Variants in PEAK1 observed in about 807,000 individuals in gnomAD.
PEAK1 encodes inactive tyrosine-protein kinase PEAK1.
In PEAK1, 54 loss-of-function variants were observed where a neutral mutation model predicts 124.7. The ratio of observed to expected loss-of-function variants is 0.43; its 90% CI spans 0.35 to 0.54. The LOEUF is 0.54. Among genes scored for constraint, PEAK1 ranks in the 20% least tolerant of loss-of-function variants. The pLI is 0.01. For missense variants in PEAK1, 2,046 were observed against 2,134.5 expected (o/e 0.96, Z 0.82); for synonymous variants, 719 against 760.0 (o/e 0.95, Z 0.89).
At chr15:77,236,958 T>C (rs2060152379) in intron 6 of PEAK1, among the ~76,000 whole-genome samples, 1 of 152,184 alleles carries the variant, frequency 6.6e-6, no homozygotes, top group African/African-American at 2.4e-5. Flanking sequence ...TCTGCCATAA[T>C]TGTTAAGTTT....
intron 7 of PEAK1, among the ~76,000 whole-genome samples, chr15:77,162,631 A>G (rs907652978): frequency 1.3e-5 from 2 of 152,072 alleles, no homozygotes; most frequent in Admixed American, 1.3e-4. Flanking sequence ...TACCACCAAC[A>G]TTTCATTAGG....
intron 2 of PEAK1, chr15:77,350,905 AC>A: frequency 2.0e-6 from 2 of 985,392 alleles, no homozygotes; most frequent in Non-Finnish European, 2.4e-6. Flanking sequence ...TTTACTACAA[AC>A]ATGGCCCTCT....
Position 77,133,739 on chromosome 15 carries a change from C to A in PEAK1, c.3343G>T (p.Ala1115Ser). The A allele has an allele frequency of 6.3e-7, 1 of 1,595,474 alleles. No homozygotes were observed. Among genetic ancestry groups the A allele is most frequent in the South Asian group, 1.1e-5 (1 of 87,992 alleles). ...GGCTGCTTGGGAGGTATCATGGCTG[C>A]TCTAGATTGCCCTGTATTGTTTTTA... ...ATYSNLGQSR[A>S]AMIPPKQPRQ... The change falls in exon 9 of 10, where the codon GCA becomes TCA. Residue 1115 changes from alanine (A) to serine (S), a missense_variant. By Grantham distance (99) the Ala-to-Ser change is moderately conservative. Transcript: ENST00000682557. The surrounding 1 kb of genome is among the most constrained non-coding windows in gnomAD (Gnocchi z 4.2).
chr15:77,205,274 T>TA (rs2058581482), intron 6 of PEAK1, among the ~76,000 whole-genome samples: 18 of 148,206 alleles, frequency 1.2e-4, no homozygotes, highest in East Asian at 3.9e-4. Flanking sequence ...ATGCCTTTTT[T>TA]TAAAAAAAAA....
In PEAK1 at chr15:77,313,692, G is replaced by GTGTGTGTATA. The variant is rs34603921; in HGVS notation, c.-602-27189_-602-27188insTATACACACA. ...TGTGTGTGTGTGTGTGTGTGTGTGT[G>GTGTGTGTATA]TATATATATATATGTATGTGTGTGT... On this transcript the variant is annotated intron_variant, in intron 2 of 9. Transcript: ENST00000682557. Among the ~76,000 whole-genome samples, 590 of 98,738 alleles carry GTGTGTGTATA rather than the reference G, an allele frequency of 6.0e-3. 10 individuals are homozygous for GTGTGTGTATA. Among genetic ancestry groups the GTGTGTGTATA allele is most frequent in the African/African-American group, 0.023 (544 of 24,094 alleles). The allele number at this position is 98,738 out of a possible 152,430, so 64.8% of individuals were successfully genotyped here. A position where few individuals can be genotyped will look rare whatever the true frequency, so the allele number is the denominator to read the frequency against.
Position 77,113,658 on chromosome 15 carries a change from T to C in PEAK1, c.*498A>G, listed in dbSNP as rs1376140740. 1 of 160,320 alleles carries C rather than the reference T, an allele frequency of 6.2e-6. No homozygotes were observed. The highest frequency in any genetic ancestry group is 1.4e-5 in the Non-Finnish European group (1 of 72,642). 9.9% of individuals were successfully genotyped at this position (160,320 alleles called of 1,614,324 possible). ...ACTGGGCTGATGCTAAGGATGGCAG[T>C]CCTGCCTAGTAAGTCAGTTGTTGAC... On this transcript the variant is annotated 3_prime_UTR_variant, in exon 10 of 10. Coordinates refer to ENST00000682557, the MANE Select transcript of PEAK1 (RefSeq NM_001385026.1).
chr15:77,392,269 T>C (rs1379574574), intron 1 of PEAK1, among the ~76,000 whole-genome samples: 2 of 152,230 alleles, frequency 1.3e-5, no homozygotes, highest in African/African-American at 4.8e-5. Flanking sequence ...TCATCACAGT[T>C]GTTCACTCTG....
At chr15:77,348,036 G>C in intron 2 of PEAK1, 1 of 985,178 alleles carries the variant, frequency 1.0e-6, no homozygotes, top group Non-Finnish European at 1.2e-6. Flanking sequence ...CTATGCACAT[G>C]GCTATCAAAT....
chr15:77,155,757 C>G (rs1024158207), intron 8 of PEAK1: 3 of 152,534 alleles, frequency 2.0e-5, no homozygotes, highest in African/African-American at 4.8e-5. Context: ...CACTCTAGAC[C>G]CTTTTTGCCT....
At chr15:77,248,510 C>T (rs1164816606) in intron 6 of PEAK1, among the ~76,000 whole-genome samples, 1 of 152,156 alleles carries the variant, frequency 6.6e-6, no homozygotes, top group Non-Finnish European at 1.5e-5. Flanking sequence ...ACAGAGACCT[C>T]ATGCATGGGA....
intron 5 of PEAK1, among the ~76,000 whole-genome samples, chr15:77,276,719 A>C (rs905647646): frequency 1.3e-5 from 2 of 152,148 alleles, no homozygotes; most frequent in African/African-American, 4.8e-5. Context: ...GAGTTCTCCA[A>C]ATTATGTTTG....
Position 77,180,517 on chromosome 15 carries a change from T to G in PEAK1, c.1410A>C (p.Pro470=). ...KPYRVVNLEQ[P]LCKPYTVVDV... is the part of the protein sequence containing the mutation. ...CCACGACAGTATATGGCTTGCACAA[T>G]GGCTGTTCCAGGTTCACAACTCGGT... The change falls in exon 7 of 10, where the codon CCA becomes CCC. Residue 470 remains proline, a synonymous_variant. Transcript: ENST00000682557. The G allele has an allele frequency of 1.2e-6, 2 of 1,614,110 alleles. No individual in the cohort carries two copies. Among genetic ancestry groups the G allele is most frequent in the Non-Finnish European group, 1.7e-6 (2 of 1,179,994 alleles).
chr15:77,335,655 G>T, intron 2 of PEAK1: 3 of 668,474 alleles, frequency 4.5e-6, no homozygotes, highest in Non-Finnish European at 5.5e-6. Context: ...ATTTTTTGCT[G>T]CTGTTGTAAA....
chr15:77,321,943 T>C lies in PEAK1; in HGVS notation c.-602-35439A>G, dbSNP rs1467794368. ...TAACAAACTGTCTCTCAGGCCACAG[T>C]GCAATCAAACTAGAACTCAGGATTA... On this transcript the variant is annotated intron_variant, in intron 2 of 9. Coordinates refer to ENST00000682557, the MANE Select transcript of PEAK1 (RefSeq NM_001385026.1). Among the ~76,000 whole-genome samples, 3 of 152,158 alleles carry C rather than the reference T, an allele frequency of 2.0e-5. No homozygotes were observed. The South Asian group carries it at 6.2e-4, about 32-fold the overall frequency.
intron 9 of PEAK1, among the ~76,000 whole-genome samples, chr15:77,131,396 G>C (rs1207021867): frequency 1.3e-5 from 2 of 152,228 alleles, no homozygotes; most frequent in Non-Finnish European, 2.9e-5. Context: ...GGGAGGCTGA[G>C]GCAGGAGAAT....
At chr15:77,347,402 T>G in intron 2 of PEAK1, 6 of 985,146 alleles carry the variant, frequency 6.1e-6, no homozygotes, top group Non-Finnish European at 7.2e-6. Context: ...GGCATCAGAG[T>G]ACTGGCTGAA....
intron 1 of PEAK1, among the ~76,000 whole-genome samples, chr15:77,380,076 G>GT (rs2069348863): frequency 6.6e-6 from 1 of 151,974 alleles, no homozygotes; most frequent in African/African-American, 2.4e-5. Flanking sequence ...ACTCAGCTTT[G>GT]TTTTATCTTG....
intron 2 of PEAK1, among the ~76,000 whole-genome samples, chr15:77,314,871 C>T (rs995184277): frequency 1.3e-5 from 2 of 152,058 alleles, no homozygotes; most frequent in East Asian, 1.9e-4. Context: ...TAATACCTGA[C>T]GACCCATGGG....
intron 5 of PEAK1, among the ~76,000 whole-genome samples, chr15:77,283,432 T>G (rs2062770154): frequency 6.6e-6 from 1 of 152,164 alleles, no homozygotes; most frequent in South Asian, 2.1e-4. Context: ...AAAGTCAGTT[T>G]CTTTTAAAGG....
Sources: gnomAD v4.1 joint callset for allele counts (sites outside exome capture counted in the v4.1 genomes callset) on GRCh38, gnomAD v4.1.1 for gene constraint, Gnocchi (gnomAD v3.1) non-coding constraint, MANE v1.5 for transcripts, NCBI Gene and HGNC (gene_info 2026-07-23, HGNC 2026-07-21) for gene names.